Variants in ARAP2 observed in about 807,000 individuals in gnomAD.
ARAP2 encodes ArfGAP with RhoGAP domain, ankyrin repeat and PH domain 2.
A neutral mutation model predicts 194.5 loss-of-function variants in ARAP2; 148 were observed. The observed-to-expected ratio is 0.76, with a 90% CI of 0.67 to 0.87. The LOEUF (loss-of-function observed/expected upper bound fraction) is 0.87. Among genes scored for constraint, ARAP2 ranks in the 40% least tolerant of loss-of-function variants. The pLI is 0.00. For synonymous variants in ARAP2, 695 were observed against 683.5 expected (o/e 1.02, Z -0.26); for missense variants, 2,128 against 1,989.7 (o/e 1.07, Z -1.32).
downstream of ARAP2, among the ~76,000 whole-genome samples, chr4:36,063,853 ATCT>A (rs1724877043): frequency 6.6e-6 from 1 of 152,232 alleles, no homozygotes. Context: ...GAAAGTTTTA[ATCT>A]TCTTCCTAAA....
At chr4:36,119,170 A>G (rs1056502004) in intron 24 of ARAP2, among the ~76,000 whole-genome samples, 17 of 151,546 alleles carry the variant, frequency 1.1e-4, no homozygotes, top group Admixed American at 1.3e-4. Context: ...AAGTCAACTT[A>G]GGACAAAAAT....
intron 11 of ARAP2, among the ~76,000 whole-genome samples, chr4:36,164,165 TTC>T (rs959842670): frequency 6.6e-6 from 1 of 152,136 alleles, no homozygotes; most frequent in Non-Finnish European, 1.5e-5. Flanking sequence ...TTGAGTTGAA[TTC>T]TCTCTCTCTG....
chr4:36,212,142 T>C (rs1034368714), intron 5 of ARAP2, among the ~76,000 whole-genome samples: 2 of 152,080 alleles, frequency 1.3e-5, no homozygotes, highest in African/African-American at 4.8e-5. Context: ...TTTGCTACTG[T>C]GGGGAAGGGG....
intron 26 of ARAP2, among the ~76,000 whole-genome samples, chr4:36,109,835 T>C (rs1719410667): frequency 6.8e-6 from 1 of 147,252 alleles, no homozygotes; most frequent in South Asian, 2.2e-4. Context: ...TTACATTAGG[T>C]ATATCACCTA....
chr4:36,218,363 T>TG (rs1333796636), intron 2 of ARAP2, among the ~76,000 whole-genome samples: 1 of 152,058 alleles, frequency 6.6e-6, no homozygotes, highest in Non-Finnish European at 1.5e-5. Context: ...AAATAAGTAT[T>TG]GGGTACTAGG....
chr4:36,019,483 C>T (rs61177725), intron 5 of ARAP2, among the ~76,000 whole-genome samples: 9,137 of 148,936 alleles, frequency 0.061, 1,341 homozygotes, highest in African/African-American at 0.17. Flanking sequence ...TTGTGATACT[C>T]GCGATGATGG....
rs1050074864 is a variant in ARAP2, at chr4:36,024,843, T to C, written n.608-5557A>G. Among the ~76,000 whole-genome samples, 8 of 152,102 alleles carry C rather than the reference T, an allele frequency of 5.3e-5. No homozygotes were observed. In the South Asian group the frequency reaches 6.2e-4, roughly 12 times the overall value. On this transcript the variant is annotated intron_variant and non_coding_transcript_variant, in intron 5 of 12. Transcript: ENST00000503225. ...ATATTTAAATAGGATAGAATTATAA[T>C]TACAATATTATACCAAATGTGGGTT...
At chr4:36,203,275 C>G (rs551895743) in intron 6 of ARAP2, among the ~76,000 whole-genome samples, 1 of 152,178 alleles carries the variant, frequency 6.6e-6, no homozygotes, top group African/African-American at 2.4e-5. Flanking sequence ...TCCACTTTCC[C>G]ACATGAGCCA....
At chr4:36,043,466 G>A (rs114475736) in intron 5 of ARAP2, among the ~76,000 whole-genome samples, 1 of 152,100 alleles carries the variant, frequency 6.6e-6, no homozygotes, top group South Asian at 2.1e-4. Flanking sequence ...CAGAAGTTTA[G>A]TTAGCCAACG....
Position 36,187,549 on chromosome 4 carries a change from A to C in ARAP2, c.1580T>G (p.Ile527Ser). Residue 527 changes from isoleucine to serine, a missense_variant, in exon 8 of 33, where the codon ATT becomes AGT. Transcript: ENST00000303965. ...NEKEMYSKGI[I>S]PLSAISTVRV... ...TACTGTTGATATAGCAGAAAGGGGA[A>C]TTATTCCTTTCGAATACATCTCCTG... The C allele has an allele frequency of 6.4e-7, 1 of 1,564,072 alleles. No homozygotes were observed. Among genetic ancestry groups the C allele is most frequent in the Non-Finnish European group, 8.6e-7 (1 of 1,160,568 alleles).
rs1733953677 is a variant in ARAP2 at position 36,161,548 on chromosome 4, G to C, written c.2176C>G (p.Gln726Glu). ...TCTTTTGGTCCTAAAGATCTATGCT[G>C]TCCTAGAGTCAAAACACAATTGCAT... Reference protein sequence around the residue: ...CVVICKKCAGQHRSLGPKDSK... With the variant: ...CVVICKKCAGEHRSLGPKDSK... Residue 726 changes from glutamine (Q) to glutamate (E), a missense_variant and splice_region_variant, in exon 12 of 33, where the codon CAG becomes GAG. Coordinates refer to ENST00000303965, the MANE Select transcript of ARAP2 (RefSeq NM_015230.4). The C allele has an allele frequency of 6.2e-7, 1 of 1,608,806 alleles. No homozygotes were observed. Among genetic ancestry groups the C allele is most frequent in the Non-Finnish European group, 8.5e-7 (1 of 1,176,302 alleles).
intron 11 of ARAP2, among the ~76,000 whole-genome samples, chr4:36,163,318 G>A (rs905476466): frequency 6.6e-6 from 1 of 152,062 alleles, no homozygotes; most frequent in African/African-American, 2.4e-5. Flanking sequence ...AGCTGAGAGA[G>A]GATGGATGTC....
intron 27 of ARAP2, among the ~76,000 whole-genome samples, chr4:36,098,234 T>C (rs1577870450): frequency 6.6e-6 from 1 of 151,888 alleles, no homozygotes; most frequent in Non-Finnish European, 1.5e-5. Flanking sequence ...CAGATATATA[T>C]CCCCCGCTTT....
intron 22 of ARAP2, among the ~76,000 whole-genome samples, chr4:36,121,554 TACTTA>T (rs1722685854): frequency 6.6e-6 from 1 of 151,800 alleles, no homozygotes; most frequent in African/African-American, 2.4e-5. Flanking sequence ...TACAAAGTCA[TACTTA>T]ATTGTTGATT....
chr4:36,107,627 G>C lies in ARAP2; in HGVS notation c.4223C>G (p.Pro1408Arg). ...CTTCACCACCAGGTAAGCAGAGCCA[G>C]GTTCAGCTAATGAACTCCACCGAAG... The part of the protein sequence containing the change: ...QVLRWSSLAE[P>R]GSAYLVVKRF... The change falls in exon 27 of 33, where the codon CCT (proline) becomes CGT (arginine). Residue 1408 changes from proline (P) to arginine (R), a missense_variant. Coordinates refer to ENST00000303965, the MANE Select transcript of ARAP2 (RefSeq NM_015230.4). The C allele has an allele frequency of 1.2e-6, 2 of 1,610,992 alleles. No homozygotes were observed. The highest frequency in any genetic ancestry group is 1.3e-5 in the African/African-American group (1 of 74,848).
chr4:36,008,942 A>G lies in ARAP2; in HGVS notation n.1326-1896T>C, dbSNP rs188403649. Among the ~76,000 whole-genome samples the G allele has an allele frequency of 8.2e-4, 125 of 152,314 alleles. 1 individual carries two copies. The highest frequency in any genetic ancestry group is 1.7e-3 in the South Asian group (8 of 4,822). The stretch of plus-strand genomic sequence containing the variant: ...ATACATACAACCAACAAGCATATGA[A>G]AAAATATTAATTGTCATTAATCATC... On this transcript the variant is annotated intron_variant and non_coding_transcript_variant, in intron 9 of 12. Coordinates refer to the ARAP2 transcript ENST00000503225.
In ARAP2 at chr4:36,021,761, G is replaced by T. The variant is rs529558977; in HGVS notation, n.608-2475C>A. On this transcript the variant is annotated intron_variant and non_coding_transcript_variant, in intron 5 of 12. Transcript: ENST00000503225. ...CATTGAACAAGAAACTAAAATTGGT[G>T]ATTTCAAGTAGATAGAGAAAAATAA... 1.3e-4 allele frequency among the ~76,000 whole-genome samples: 20 copies of T among 152,266 alleles called. No individual in the cohort carries two copies. In the South Asian group the frequency reaches 3.9e-3, roughly 30 times the overall value.
At chr4:36,012,863 T>C (rs561507406) in intron 8 of ARAP2, 16 of 152,316 alleles carry the variant, frequency 1.1e-4, no homozygotes, top group African/African-American at 3.8e-4. Context: ...CAAGAACTCA[T>C]GGTATCAAGC....
intron 19 of ARAP2, among the ~76,000 whole-genome samples, chr4:36,145,050 T>C (rs1206601283): frequency 6.6e-6 from 1 of 151,728 alleles, no homozygotes; most frequent in Non-Finnish European, 1.5e-5. Flanking sequence ...TAATTAAGAG[T>C]TTTTTTAAGC....
Sources: gnomAD v4.1 joint callset for allele counts (sites outside exome capture counted in the v4.1 genomes callset) on GRCh38, gnomAD v4.1.1 for gene constraint, MANE v1.5 for transcripts, NCBI Gene and HGNC (gene_info 2026-07-23, HGNC 2026-07-21) for gene names.